The following SDC2 variants were observed in gnomAD, a reference collection of about 807,000 sequenced individuals.
SDC2 encodes syndecan 2, also known as syndecan-2.
A neutral mutation model predicts 22.2 loss-of-function variants in SDC2; 13 were observed. That is an observed-to-expected ratio of 0.59 (90% CI 0.38 to 0.93). The LOEUF is 0.93. SDC2 is among the 40% of genes least tolerant of loss of function. The pLI, the probability that SDC2 is intolerant of heterozygous loss-of-function variation, is 0.00. For synonymous variants in SDC2, 94 were observed against 92.8 expected, an observed-to-expected ratio of 1.01 and a Z score of -0.07; for missense variants, 235 against 246.8, an observed-to-expected ratio of 0.95 and a Z score of 0.32.
At chr8:96,590,547 G>A (rs1302584516) in intron 1 of SDC2, among the ~76,000 whole-genome samples, 4 of 152,118 alleles carry the variant, frequency 2.6e-5, no homozygotes, top group African/African-American at 7.2e-5. Flanking sequence ...ATCATTTCCC[G>A]TCCTAGGCAT....
intron 1 of SDC2, among the ~76,000 whole-genome samples, chr8:96,572,008 A>G (rs560556983): frequency 6.6e-6 from 1 of 152,282 alleles, no homozygotes; most frequent in South Asian, 2.1e-4. Flanking sequence ...GTTGTTAGGA[A>G]GGTAAATTGG....
chr8:96,576,717 C>A (rs1479563799), intron 1 of SDC2, among the ~76,000 whole-genome samples: 1 of 151,908 alleles, frequency 6.6e-6, no homozygotes, highest in Non-Finnish European at 1.5e-5. Flanking sequence ...CCGCGCCCGG[C>A]CTATTCTCTT....
At chr8:96,531,026 C>T (rs1237569297) in intron 1 of SDC2, among the ~76,000 whole-genome samples, 1 of 152,190 alleles carries the variant, frequency 6.6e-6, no homozygotes, top group African/African-American at 2.4e-5. Context: ...GGACTCCAGC[C>T]TAGGCTGTGT....
At chr8:96,527,226 A>G (rs2589214) in intron 1 of SDC2, among the ~76,000 whole-genome samples, 186 of 148,468 alleles carry the variant, frequency 1.3e-3, no homozygotes, top group African/African-American at 4.0e-3. Context: ...GAGCTTCATT[A>G]TTTCTGCCTT....
At chr8:96,573,282 C>T (rs1032802371) in intron 1 of SDC2, among the ~76,000 whole-genome samples, 3 of 152,238 alleles carry the variant, frequency 2.0e-5, no homozygotes, top group Non-Finnish European at 2.9e-5. Context: ...GGATGCTCTT[C>T]GCAGACCTCC....
At chr8:96,495,468 C>G (rs1813058510) in intron 1 of SDC2, among the ~76,000 whole-genome samples, 1 of 152,196 alleles carries the variant, frequency 6.6e-6, no homozygotes, top group Non-Finnish European at 1.5e-5. Flanking sequence ...CAGGTGGAAG[C>G]TTGAGCACCC....
At chr8:96,496,843 A>G (rs1197678357) in intron 1 of SDC2, among the ~76,000 whole-genome samples, 1 of 152,226 alleles carries the variant, frequency 6.6e-6, no homozygotes, top group Non-Finnish European at 1.5e-5. Flanking sequence ...CTGTTCCTTT[A>G]TGGATCCTGG....
chr8:96,579,007 C>T (rs1282007803), intron 1 of SDC2, among the ~76,000 whole-genome samples: 1 of 152,172 alleles, frequency 6.6e-6, no homozygotes, highest in Non-Finnish European at 1.5e-5. Flanking sequence ...GTAGCTCAGT[C>T]CCTTGTAACT....
At position 96,519,717 on chromosome 8, in the gene SDC2, A is replaced by G. The variant is rs559508342; in HGVS notation, c.60+25386A>G. ...ACCCAGGCTGGAGTGTAGTGGTGCA[A>G]TCTCTCCTCCCGGGTTCAAGCGATT... On this transcript the variant is annotated intron_variant, in intron 1 of 4. Transcript: ENST00000302190. Among the ~76,000 whole-genome samples, 17 of 151,990 alleles carry G rather than the reference A, an allele frequency of 1.1e-4. No individual in the cohort carries two copies. In the South Asian group the frequency reaches 2.9e-3, roughly 26 times the overall value.
At chr8:96,556,077 T>C (rs1471906316) in intron 1 of SDC2, among the ~76,000 whole-genome samples, 3 of 136,354 alleles carry the variant, frequency 2.2e-5, no homozygotes, top group Non-Finnish European at 4.6e-5. Context: ...CACACACACA[T>C]TCAAATGTGA....
chr8:96,508,710 C>T (rs1303072567), intron 1 of SDC2, among the ~76,000 whole-genome samples: 1 of 141,714 alleles, frequency 7.1e-6, no homozygotes, highest in African/African-American at 2.5e-5. Context: ...AACTGCTAGG[C>T]GGTATTACTT....
At chr8:96,508,296 AAATAATAATAATAATAATAATAATAAT>A (rs35792253) in intron 1 of SDC2, among the ~76,000 whole-genome samples, 1 of 130,928 alleles carries the variant, frequency 7.6e-6, no homozygotes, top group Non-Finnish European at 1.6e-5. Flanking sequence ...ACTCCGTCTC[AAATAATAATAATAATAATAATAATAAT>A]AATAATAATA....
chr8:96,518,153 C>G (rs934220278), intron 1 of SDC2, among the ~76,000 whole-genome samples: 5 of 152,052 alleles, frequency 3.3e-5, no homozygotes, highest in African/African-American at 1.2e-4. Context: ...CCTGTCCTCA[C>G]CCTTAAGCAG....
At chr8:96,580,707 G>A (rs1279220026) in intron 1 of SDC2, 1 of 173,740 alleles carries the variant, frequency 5.8e-6, no homozygotes, top group Non-Finnish European at 1.1e-5. Context: ...AGACTCTGTG[G>A]GCTCTAGAAA....
At chr8:96,554,868 A>G (rs559460241) in intron 1 of SDC2, among the ~76,000 whole-genome samples, 1 of 152,250 alleles carries the variant, frequency 6.6e-6, no homozygotes, top group Admixed American at 6.5e-5. Context: ...TGCCTTCAGC[A>G]CAGGTTGCTG....
chr8:96,518,438 G>GCAAGCTC (rs1296591034), intron 1 of SDC2, among the ~76,000 whole-genome samples: 1 of 149,378 alleles, frequency 6.7e-6, no homozygotes, highest in Non-Finnish European at 1.5e-5. Context: ...TCGGCCCACT[G>GCAAGCTC]CAAGCTCCGC....
chr8:96,565,238 C>T (rs867391787), intron 1 of SDC2, among the ~76,000 whole-genome samples: 5 of 151,128 alleles, frequency 3.3e-5, no homozygotes, highest in Non-Finnish European at 7.4e-5. Flanking sequence ...GCGTGCGCCA[C>T]CACACCCAGC....
At chr8:96,518,423 C>G (rs1245138492) in intron 1 of SDC2, among the ~76,000 whole-genome samples, 1 of 149,614 alleles carries the variant, frequency 6.7e-6, no homozygotes, top group Non-Finnish European at 1.5e-5. Context: ...TGCAGTGGCG[C>G]GATCTCGGCC....
At chr8:96,575,500 A>G (rs1814473225) in intron 1 of SDC2, among the ~76,000 whole-genome samples, 1 of 152,224 alleles carries the variant, frequency 6.6e-6, no homozygotes, top group South Asian at 2.1e-4. Flanking sequence ...TCATAAGTGT[A>G]CAGTTTGAAT....
Sources: allele counts gnomAD v4.1 joint callset (sites outside exome capture counted in the v4.1 genomes callset), GRCh38; gene constraint gnomAD v4.1.1; transcripts MANE v1.5; gene names NCBI Gene and HGNC (gene_info 2026-07-23, HGNC 2026-07-21).